Variants in ERBB4 observed in about 807,000 individuals in gnomAD.
ERBB4 encodes erb-b2 receptor tyrosine kinase 4, also known as receptor tyrosine-protein kinase erbB-4.
ERBB4 carries 42 observed loss-of-function variants against 158.0 expected under a neutral mutation model. That is an observed-to-expected ratio of 0.27 (90% CI 0.21 to 0.34). ERBB4 has a LOEUF of 0.34. Among genes scored for constraint, ERBB4 ranks in the 10% least tolerant of loss-of-function variants. The pLI is 1.00. For missense variants in ERBB4, 1,333 were observed against 1,624.1 expected, an observed-to-expected ratio of 0.82 and a Z score of 3.08; for synonymous variants, 583 against 558.7, an observed-to-expected ratio of 1.04 and a Z score of -0.61.
At chr2:211,504,874 GT>G (rs1302586359) in intron 20 of ERBB4, among the ~76,000 whole-genome samples, 2 of 152,054 alleles carry the variant, frequency 1.3e-5, no homozygotes, top group African/African-American at 4.8e-5. Flanking sequence ...TTGAAGACTA[GT>G]TTTCAAATCA....
chr2:212,451,198 T>G (rs1284665957), intron 1 of ERBB4, among the ~76,000 whole-genome samples: 1 of 152,188 alleles, frequency 6.6e-6, no homozygotes, highest in Admixed American at 6.5e-5. Flanking sequence ...TTGAGGATTA[T>G]GACAAAGACT....
intron 3 of ERBB4, among the ~76,000 whole-genome samples, chr2:211,827,657 G>A (rs577422114): frequency 3.7e-4 from 56 of 150,824 alleles, no homozygotes; most frequent in Non-Finnish European, 7.2e-4. Context: ...TGCTGTATTT[G>A]TTCAATTTAG....
At chr2:212,533,797 AGTT>A (rs1270591166) in intron 1 of ERBB4, among the ~76,000 whole-genome samples, 2 of 152,188 alleles carry the variant, frequency 1.3e-5, no homozygotes, top group Admixed American at 6.6e-5. Context: ...CCTGGAGAAA[AGTT>A]GTTAATATGA....
chr2:212,506,770 A>T (rs1691217874), intron 1 of ERBB4, among the ~76,000 whole-genome samples: 1 of 152,212 alleles, frequency 6.6e-6, no homozygotes, highest in African/African-American at 2.4e-5. Context: ...CATGAGGTTT[A>T]AGGATAGAAG....
intron 16 of ERBB4, among the ~76,000 whole-genome samples, chr2:211,654,872 A>G (rs1003460375): frequency 1.3e-5 from 2 of 152,192 alleles, no homozygotes; most frequent in Non-Finnish European, 2.9e-5. Flanking sequence ...GTGACTGGCC[A>G]TGGTCACCTA....
rs72946542 is a variant in ERBB4, at chr2:211,712,432, A to G, written c.998-256T>C. Among the ~76,000 whole-genome samples the G allele has an allele frequency of 0.081, 12,283 of 152,232 alleles. 713 individuals are homozygous for G. Among genetic ancestry groups the G allele is most frequent in the Non-Finnish European group, 0.12 (8,263 of 67,960 alleles). ...GAAATTACATTTTATATCAAGACCC[A>G]GTATACACACATAACACATACATAA... On this transcript the variant is annotated intron_variant, in intron 8 of 27. Coordinates refer to ENST00000342788, the MANE Select transcript of ERBB4 (RefSeq NM_005235.3).
In ERBB4 at chr2:211,431,003, A is replaced by T. The variant is rs2063737744; in HGVS notation, c.2585T>A (p.Phe862Tyr). The T allele has an allele frequency of 6.2e-7, 1 of 1,613,870 alleles. No homozygotes were observed. The highest frequency in any genetic ancestry group is 8.5e-7 in the Non-Finnish European group (1 of 1,179,888). ...TCCTTCCAAGAGTCTGGCTAGCCCA[A>T]AATCTGTGATTTTCACATGGTTTGG... ...KSPNHVKITD[F>Y]GLARLLEGDE... The change falls in exon 21 of 28, where the codon TTT (phenylalanine) becomes TAT (tyrosine). Residue 862 changes from phenylalanine (F) to tyrosine (Y), a missense_variant. Around this residue, in one of 5 missense-constraint regions of ERBB4, gnomAD observed 314 missense variants for 437.6 expected, o/e 0.72. Transcript: ENST00000342788.
intron 20 of ERBB4, among the ~76,000 whole-genome samples, chr2:211,553,955 T>C (rs2067171522): frequency 6.6e-6 from 1 of 152,260 alleles, no homozygotes; most frequent in South Asian, 2.1e-4. Flanking sequence ...CATCTAGCAC[T>C]TTCTCCTGAA....
At chr2:211,716,503 C>T (rs1409401311) in intron 7 of ERBB4, among the ~76,000 whole-genome samples, 5 of 151,200 alleles carry the variant, frequency 3.3e-5, no homozygotes, top group Admixed American at 6.6e-5. Flanking sequence ...GGTGAAACCC[C>T]GTCTCTACTA....
At chr2:211,657,652 A>G in intron 16 of ERBB4, 102 bp downstream of exon 16, 1 of 882,266 alleles carries the variant, frequency 1.1e-6, no homozygotes, top group Non-Finnish European at 1.9e-6. Flanking sequence ...ATATATTATG[A>G]GTTACAATAT....
chr2:212,240,555 C>A (rs2084047749), intron 1 of ERBB4, among the ~76,000 whole-genome samples: 1 of 143,026 alleles, frequency 7.0e-6, no homozygotes, highest in South Asian at 2.2e-4. Context: ...ATCGTTTGAA[C>A]CCGGGAGGCG....
At chr2:212,191,682 TATAC>T in intron 1 of ERBB4, among the ~76,000 whole-genome samples, 1 of 52,882 alleles carries the variant, frequency 1.9e-5, no homozygotes, top group African/African-American at 5.2e-5. Context: ...TCGCGTGTGT[TATAC>T]ATGTTACATA....
chr2:212,447,923 G>T (rs2092387206), intron 1 of ERBB4, among the ~76,000 whole-genome samples: 2 of 151,856 alleles, frequency 1.3e-5, no homozygotes, highest in African/African-American at 2.4e-5. Context: ...CACAAAAAAA[G>T]CTCTTCAAAA....
rs114996191 is a variant in ERBB4, at chr2:211,677,185, A to T, written c.1622+1867T>A. 2.4e-3 allele frequency among the ~76,000 whole-genome samples: 367 copies of T among 152,296 alleles called. 3 individuals are homozygous for T. The highest frequency in any genetic ancestry group is 8.2e-3 in the African/African-American group (341 of 41,568). ...TTCTCGTGTAAAATGCAAAATTCCA[A>T]TGTTATTTATTGGATCCAGTGGGAT... On this transcript the variant is annotated intron_variant, in intron 13 of 27. Coordinates refer to ENST00000342788, the MANE Select transcript of ERBB4 (RefSeq NM_005235.3).
intron 1 of ERBB4, among the ~76,000 whole-genome samples, chr2:212,529,676 C>A (rs1575089343): frequency 6.6e-6 from 1 of 152,056 alleles, no homozygotes; most frequent in East Asian, 1.9e-4. Context: ...GTATGTGGCA[C>A]CACATTAGTC....
At chr2:211,775,089 G>C (rs1310966715) in intron 4 of ERBB4, among the ~76,000 whole-genome samples, 3 of 152,154 alleles carry the variant, frequency 2.0e-5, no homozygotes, top group Non-Finnish European at 2.9e-5. Flanking sequence ...TCCCTCTCTA[G>C]ACTAACAATT....
chr2:211,893,089 C>A (rs1280007672), intron 3 of ERBB4, among the ~76,000 whole-genome samples: 1 of 146,798 alleles, frequency 6.8e-6, no homozygotes, highest in Non-Finnish European at 1.5e-5. Flanking sequence ...CAAAAAAGAG[C>A]CCGCATCGCC....
At chr2:212,255,211 A>G (rs1264970487) in intron 1 of ERBB4, among the ~76,000 whole-genome samples, 1 of 152,160 alleles carries the variant, frequency 6.6e-6, no homozygotes, top group African/African-American at 2.4e-5. Flanking sequence ...TAAGAATAAT[A>G]TTTTACCACA....
intron 2 of ERBB4, among the ~76,000 whole-genome samples, chr2:211,982,844 G>A (rs2081841609): frequency 6.6e-6 from 1 of 152,118 alleles, no homozygotes; most frequent in South Asian, 2.1e-4. Context: ...GATTATAAAT[G>A]TTACATTTTT....
Sources: gnomAD v4.1 joint callset for allele counts (sites outside exome capture counted in the v4.1 genomes callset) on GRCh38, gnomAD v4.1.1 for gene constraint, gnomAD v4.1.1 regional missense constraint, MANE v1.5 for transcripts, NCBI Gene and HGNC (gene_info 2026-07-23, HGNC 2026-07-21) for gene names.